Variants in CEP63 observed in about 807,000 individuals in gnomAD.
CEP63 encodes the protein centrosomal protein 63, also known as centrosomal protein of 63 kDa.
In CEP63, 84 loss-of-function variants were observed where a neutral mutation model predicts 89.1. The observed-to-expected ratio is 0.94, with a 90% CI of 0.79 to 1.13. CEP63 has a LOEUF of 1.13. Among genes scored for constraint, CEP63 ranks in the 50% most tolerant of loss-of-function variants. The probability of loss-of-function intolerance (pLI) is 0.00; values close to 1 mark genes in which losing one functional copy is unlikely to be tolerated. For synonymous variants in CEP63, 267 were observed against 272.5 expected (o/e 0.98, Z 0.20); for missense variants, 838 against 813.3 (o/e 1.03, Z -0.37).
At chr3:134,762,399 G>A in the CEP63 span, among the ~76,000 whole-genome samples, 1 of 152,142 alleles carries the variant, frequency 6.6e-6, no homozygotes, top group Non-Finnish European at 1.5e-5. Context: ...ATGTGAGTGG[G>A]GCTGGGGGAC....
downstream of CEP63, among the ~76,000 whole-genome samples, chr3:134,590,030 T>A (rs556919563): frequency 1.3e-5 from 2 of 152,282 alleles, no homozygotes; most frequent in South Asian, 4.1e-4. Context: ...ATCACTTATA[T>A]GTGGGAGCTA....
At chr3:134,618,247 C>A in the CEP63 span, among the ~76,000 whole-genome samples, 3 of 152,104 alleles carry the variant, frequency 2.0e-5, no homozygotes, top group Non-Finnish European at 2.9e-5. Flanking sequence ...ACCCAGTGCT[C>A]GGCAGCTGCC....
chr3:134,508,088 C>T (rs756839178), intron 3 of CEP63, among the ~76,000 whole-genome samples: 2 of 152,200 alleles, frequency 1.3e-5, no homozygotes, highest in Non-Finnish European at 2.9e-5. Flanking sequence ...TATTCAGGTA[C>T]ACTTCTGTGA....
chr3:134,738,617 G>A, the CEP63 span, among the ~76,000 whole-genome samples: 1 of 151,930 alleles, frequency 6.6e-6, no homozygotes, highest in Non-Finnish European at 1.5e-5. Flanking sequence ...GGGACTTGGG[G>A]GGACAAATGG....
At chr3:134,706,096 A>C in the CEP63 span, among the ~76,000 whole-genome samples, 1 of 152,150 alleles carries the variant, frequency 6.6e-6, no homozygotes, top group Non-Finnish European at 1.5e-5. Flanking sequence ...TAGTGGGTAG[A>C]GGGGAGAGGA....
chr3:134,673,874 A>G, the CEP63 span, among the ~76,000 whole-genome samples: 4 of 152,164 alleles, frequency 2.6e-5, no homozygotes, highest in African/African-American at 9.7e-5. Flanking sequence ...TATTTTTGCT[A>G]CCTGTGGTCT....
At chr3:134,691,342 A>G in the CEP63 span, among the ~76,000 whole-genome samples, 1 of 120,200 alleles carries the variant, frequency 8.3e-6, no homozygotes, top group African/African-American at 4.1e-5. Flanking sequence ...TGGGTGACAG[A>G]GAGAGATCCT....
In CEP63 at chr3:134,545,578, G is replaced by A; in HGVS notation, c.556-8G>A. ...TTTTACCTATTGATTGATAGTCTGT[G>A]TTTCTAGGCTCAGCTTGTCAATCGG... On this transcript the variant is annotated splice_region_variant and splice_polypyrimidine_tract_variant and intron_variant, in intron 6 of 14. Transcript: ENST00000675561. 1 of 1,602,904 alleles carries A rather than the reference G, an allele frequency of 6.2e-7. No individual in the cohort carries two copies. Among genetic ancestry groups the A allele is most frequent in the Non-Finnish European group, 8.5e-7 (1 of 1,169,842 alleles).
the CEP63 span, among the ~76,000 whole-genome samples, chr3:134,701,315 T>C: frequency 3.0e-5 from 2 of 65,764 alleles, 1 homozygote; most frequent in Non-Finnish European, 8.5e-5. Flanking sequence ...CGTATATATG[T>C]GTATATATAC....
chr3:134,522,991 T>C (rs1947819632), intron 3 of CEP63, among the ~76,000 whole-genome samples: 1 of 152,174 alleles, frequency 6.6e-6, no homozygotes, highest in Admixed American at 6.5e-5. Flanking sequence ...TCTTCCATAG[T>C]GGTTAAACTA....
At chr3:134,744,168 G>C in the CEP63 span, among the ~76,000 whole-genome samples, 1 of 152,116 alleles carries the variant, frequency 6.6e-6, no homozygotes, top group Non-Finnish European at 1.5e-5. Flanking sequence ...TAGATAGCCG[G>C]GAGGAGGTGT....
intron 10 of CEP63, among the ~76,000 whole-genome samples, chr3:134,586,211 A>C (rs1470428583): frequency 6.6e-6 from 1 of 152,096 alleles, no homozygotes; most frequent in Non-Finnish European, 1.5e-5. Context: ...TAATATTGTT[A>C]TGTGTGAATT....
chr3:134,704,349 T>C, the CEP63 span, among the ~76,000 whole-genome samples: 2 of 152,160 alleles, frequency 1.3e-5, no homozygotes, highest in Non-Finnish European at 2.9e-5. Flanking sequence ...CTCATTCATG[T>C]CTGCATCATC....
At chr3:134,709,953 C>T in the CEP63 span, among the ~76,000 whole-genome samples, 1 of 152,198 alleles carries the variant, frequency 6.6e-6, no homozygotes. Flanking sequence ...AGAGTCTTTT[C>T]ACTCTAAATT....
the CEP63 span, among the ~76,000 whole-genome samples, chr3:134,614,524 G>A: frequency 1.3e-5 from 2 of 152,038 alleles, no homozygotes; most frequent in Non-Finnish European, 2.9e-5. Flanking sequence ...CCCAAGGGCT[G>A]CAAAGGACCA....
intron 3 of CEP63, among the ~76,000 whole-genome samples, chr3:134,517,900 G>T (rs1292655647): frequency 6.6e-6 from 1 of 152,140 alleles, no homozygotes; most frequent in Non-Finnish European, 1.5e-5. Flanking sequence ...GTTGGGAAAA[G>T]AACTTGCTAA....
the CEP63 span, among the ~76,000 whole-genome samples, chr3:134,615,697 C>T: frequency 1.1e-4 from 16 of 150,526 alleles, no homozygotes; most frequent in Non-Finnish European, 5.9e-5. Context: ...CTTTCAGAGG[C>T]CTTATACACC....
At chr3:134,500,582 A>C (rs911482020) in intron 2 of CEP63, among the ~76,000 whole-genome samples, 2 of 152,100 alleles carry the variant, frequency 1.3e-5, no homozygotes, top group African/African-American at 4.8e-5. Context: ...CCTTTTCTCC[A>C]CCGCCTCACC....
At chr3:134,701,497 T>TTA in the CEP63 span, among the ~76,000 whole-genome samples, 2 of 148,318 alleles carry the variant, frequency 1.3e-5, no homozygotes, top group Non-Finnish European at 3.0e-5. Flanking sequence ...TACATACACA[T>TTA]TATATATATT....
Sources: allele counts gnomAD v4.1 joint callset (sites outside exome capture counted in the v4.1 genomes callset), GRCh38; gene constraint gnomAD v4.1.1; transcripts MANE v1.5; gene names NCBI Gene and HGNC (gene_info 2026-07-23, HGNC 2026-07-21).